The following JAKMIP2 variants were observed in gnomAD, a reference collection of about 807,000 sequenced individuals.
JAKMIP2 encodes the protein janus kinase and microtubule-interacting protein 2.
JAKMIP2 carries 25 observed loss-of-function variants against 115.0 expected under a neutral mutation model. The observed-to-expected ratio is 0.22, with a 90% CI of 0.16 to 0.30. JAKMIP2 has a LOEUF of 0.30. Ranked by LOEUF, JAKMIP2 falls within the 10% of genes least tolerant of loss-of-function variation. JAKMIP2 has a pLI of 1.00. For missense variants in JAKMIP2, 642 were observed against 957.6 expected (o/e 0.67, Z 4.35); for synonymous variants, 334 against 343.6 (o/e 0.97, Z 0.31).
chr5:147,728,355 T>C (rs1753599232), intron 1 of JAKMIP2, among the ~76,000 whole-genome samples: 1 of 152,162 alleles, frequency 6.6e-6, no homozygotes, highest in South Asian at 2.1e-4. Context: ...AAATGCATGG[T>C]AAAATCTTTG....
At chr5:147,760,952 G>T (rs974429010) in intron 1 of JAKMIP2, among the ~76,000 whole-genome samples, 3 of 152,068 alleles carry the variant, frequency 2.0e-5, no homozygotes, top group Non-Finnish European at 4.4e-5. Flanking sequence ...ATTGGGAAAA[G>T]TATGAGGTTC....
chr5:147,678,411 G>A (rs940897801), intron 1 of JAKMIP2, among the ~76,000 whole-genome samples: 1 of 152,058 alleles, frequency 6.6e-6, no homozygotes, highest in African/African-American at 2.4e-5. Flanking sequence ...TCTGTACTTG[G>A]CTTATTTTAC....
chr5:147,617,740 T>A (rs890011440), intron 19 of JAKMIP2, among the ~76,000 whole-genome samples, 171 bp downstream of exon 19: 1 of 152,364 alleles, frequency 6.6e-6, no homozygotes, highest in East Asian at 1.9e-4. Flanking sequence ...ATTATAAAAC[T>A]GTCATTTTTG....
chr5:147,728,213 GA>G, intron 1 of JAKMIP2, among the ~76,000 whole-genome samples: 1 of 152,252 alleles, frequency 6.6e-6, no homozygotes, highest in East Asian at 1.9e-4. Flanking sequence ...TGCACATTTG[GA>G]TTGGGAGAAG....
intron 3 of JAKMIP2, among the ~76,000 whole-genome samples, chr5:147,658,745 G>C (rs1475907695): frequency 6.6e-6 from 1 of 152,114 alleles, no homozygotes; most frequent in Non-Finnish European, 1.5e-5. Context: ...GAGGACTCTA[G>C]AGAAGCAGTC....
At chr5:147,702,689 A>AAAGAGAAAG (rs1561547858) in intron 1 of JAKMIP2, among the ~76,000 whole-genome samples, 9 of 139,884 alleles carry the variant, frequency 6.4e-5, no homozygotes, top group Non-Finnish European at 7.6e-5. Flanking sequence ...AGAAAGAAAG[A>AAAGAGAAAG]AAAGAAAAGA....
At chr5:147,727,743 T>G (rs1594659) in intron 1 of JAKMIP2, among the ~76,000 whole-genome samples, 45,590 of 152,120 alleles carry the variant, frequency 0.3, 7,890 homozygotes, top group East Asian at 0.53. Context: ...TCAGCTCAAT[T>G]AAAAGCAGAT....
rs1343721524 is a variant in JAKMIP2 at position 147,587,601 on chromosome 5, A to G, written c.*4106T>C. The G allele has an allele frequency of 6.6e-6, 1 of 152,196 alleles. No homozygotes were observed. The highest frequency in any genetic ancestry group is 1.9e-4 in the East Asian group (1 of 5,202). The allele number at this position is 152,196 out of a possible 1,614,324, so 9.4% of individuals were successfully genotyped here. Reference sequence around the variant, plus strand: ...CAAAACCAATGAATATTCTTTTTACAGTTTCTACAAAAACCTAGGCAGGTT... The same window carrying G: ...CAAAACCAATGAATATTCTTTTTACGGTTTCTACAAAAACCTAGGCAGGTT... On this transcript the variant is annotated 3_prime_UTR_variant, in exon 22 of 22. Coordinates refer to ENST00000616793, the MANE Select transcript of JAKMIP2 (RefSeq NM_001270941.2).
At chr5:147,668,385 G>A (rs1010442358) in intron 2 of JAKMIP2, among the ~76,000 whole-genome samples, 1 of 152,108 alleles carries the variant, frequency 6.6e-6, no homozygotes, top group Non-Finnish European at 1.5e-5. Context: ...GAGACAAATG[G>A]GGCAAATACC....
intron 15 of JAKMIP2, among the ~76,000 whole-genome samples, chr5:147,629,177 A>T (rs1166909546): frequency 6.6e-6 from 1 of 152,164 alleles, no homozygotes; most frequent in African/African-American, 2.4e-5. Context: ...TAATTTTTCA[A>T]GGGAAAAACG....
At chr5:147,751,207 G>T (rs1754540433) in intron 1 of JAKMIP2, among the ~76,000 whole-genome samples, 1 of 150,834 alleles carries the variant, frequency 6.6e-6, no homozygotes, top group Non-Finnish European at 1.5e-5. Flanking sequence ...AAGCAGCTGG[G>T]ATTATAGGCT....
At chr5:147,628,902 C>T in intron 15 of JAKMIP2, 86 bp from the exon 16 acceptor site, 2 of 907,590 alleles carry the variant, frequency 2.2e-6, no homozygotes, top group Non-Finnish European at 3.5e-6. Context: ...TGCTACAGAG[C>T]ATTCTGTATA....
chr5:147,671,772 GGCTTCTCGCCCTTAT>G lies in JAKMIP2; in HGVS notation c.20_34del (p.Asn7_Pro12delinsThr). 1 of 1,590,854 alleles carries G rather than the reference GGCTTCTCGCCCTTAT, an allele frequency of 6.3e-7. No individual in the cohort carries two copies. Among genetic ancestry groups the G allele is most frequent in the Non-Finnish European group, 8.6e-7 (1 of 1,168,000 alleles). ...TTGAAGGGCAACAATGAGTGCCTCG[GGCTTCTCGCCCTTAT>G]TTCGCCCTTTCTTGGACATTGTTCC... On this transcript the variant is annotated inframe_deletion, in exon 2 of 22. Transcript: ENST00000616793.
chr5:147,604,755 G>A (rs1755901916), intron 20 of JAKMIP2, among the ~76,000 whole-genome samples: 1 of 151,724 alleles, frequency 6.6e-6, no homozygotes, highest in Non-Finnish European at 1.5e-5. Flanking sequence ...TGGCATCCTT[G>A]CTATTTCCCT....
intron 21 of JAKMIP2, among the ~76,000 whole-genome samples, chr5:147,596,337 T>C (rs1755389588): frequency 6.6e-6 from 1 of 152,086 alleles, no homozygotes; most frequent in Non-Finnish European, 1.5e-5. Flanking sequence ...GGAGAATGAG[T>C]TATAAGAATG....
chr5:147,636,193 GC>G (rs760461003), intron 12 of JAKMIP2, 28 bp downstream of exon 12: 2 of 1,588,148 alleles, frequency 1.3e-6, no homozygotes, highest in Non-Finnish European at 1.7e-6. Context: ...TTTCTCCTCT[GC>G]CCCGCTAGGG....
chr5:147,721,581 C>A (rs1306649741), intron 1 of JAKMIP2, among the ~76,000 whole-genome samples: 1 of 152,158 alleles, frequency 6.6e-6, no homozygotes, highest in Non-Finnish European at 1.5e-5. Flanking sequence ...GTCGGAAAAG[C>A]GCAGTATTCG....
intron 1 of JAKMIP2, among the ~76,000 whole-genome samples, chr5:147,781,299 A>C (rs1186205228): frequency 6.6e-6 from 1 of 152,248 alleles, no homozygotes; most frequent in Non-Finnish European, 1.5e-5. Context: ...AGAACTGTGA[A>C]ATGGTTCCTG....
rs1490953181 is a variant in JAKMIP2 at position 147,668,275 on chromosome 5, C to G, written c.129+3403G>C. ...CACTGTGCCCATGCTGTTCACGAAA[C>G]CATAGTTTATCTCTGAGGGAGAGTA... On this transcript the variant is annotated intron_variant, in intron 2 of 21. Coordinates refer to ENST00000616793, the MANE Select transcript of JAKMIP2 (RefSeq NM_001270941.2). Among the ~76,000 whole-genome samples the G allele has an allele frequency of 2.0e-5, 3 of 152,170 alleles. No homozygotes were observed. In the South Asian group the frequency reaches 6.2e-4, roughly 31 times the overall value.
Sources: allele counts gnomAD v4.1 joint callset (sites outside exome capture counted in the v4.1 genomes callset), GRCh38; gene constraint gnomAD v4.1.1; transcripts MANE v1.5; gene names NCBI Gene and HGNC (gene_info 2026-07-23, HGNC 2026-07-21).